Variants in PCDHGA4 observed in about 807,000 individuals in gnomAD.
PCDHGA4 encodes protocadherin gamma subfamily A, 4.
Under a neutral mutation model 54.6 loss-of-function variants are expected in PCDHGA4, and 38 were observed. The observed-to-expected ratio is 0.70, with a 90% CI of 0.54 to 0.91. PCDHGA4 has a LOEUF of 0.91. Among genes scored for constraint, PCDHGA4 ranks in the 40% least tolerant of loss-of-function variants. The pLI is 0.00. For synonymous variants in PCDHGA4, 511 were observed against 512.9 expected, an observed-to-expected ratio of 1.00 and a Z score of 0.05; for missense variants, 1,298 against 1,220.9, an observed-to-expected ratio of 1.06 and a Z score of -0.94.
At chr5:141,460,035 A>G (rs1246945474) in intron 1 of PCDHGA4, among the ~76,000 whole-genome samples, 1 of 152,140 alleles carries the variant, frequency 6.6e-6, no homozygotes, top group Non-Finnish European at 1.5e-5. Context: ...CCGAGACTGC[A>G]CCACTGCACT....
At chr5:141,389,778 G>A (rs886099464) in intron 1 of PCDHGA4, 3 of 1,613,134 alleles carry the variant, frequency 1.9e-6, no homozygotes, top group Non-Finnish European at 2.5e-6. Flanking sequence ...TGCCTTAGGC[G>A]ACAGGGACGC....
intron 1 of PCDHGA4, among the ~76,000 whole-genome samples, chr5:141,436,478 A>G (rs1360229764): frequency 2.0e-5 from 3 of 152,220 alleles, no homozygotes; most frequent in Non-Finnish European, 4.4e-5. Context: ...TGTATCATAG[A>G]AGGATAGCAG....
chr5:141,486,654 T>C lies in PCDHGA4; in HGVS notation c.2515-8153T>C. ...TTGAATGCGCTTATCTCCTACTCAC[T>C]CCTGGAGCCCAGGAATCGAGATGTA... is the stretch of plus-strand genomic sequence containing the variant. On this transcript the variant is annotated intron_variant, in intron 1 of 3. Coordinates refer to ENST00000571252, the MANE Select transcript of PCDHGA4 (RefSeq NM_018917.4). The surrounding 1 kb of genome is among the most constrained non-coding windows in gnomAD (Gnocchi z 5.0). The C allele has an allele frequency of 2.5e-6, 4 of 1,613,922 alleles. No individual in the cohort carries two copies. Among genetic ancestry groups the C allele is most frequent in the Non-Finnish European group, 3.4e-6 (4 of 1,180,026 alleles).
intron 1 of PCDHGA4, chr5:141,400,651 C>G (rs2094056317): frequency 8.6e-7 from 1 of 1,166,874 alleles, no homozygotes; most frequent in African/African-American, 1.5e-5. Flanking sequence ...GAAAGCTGTC[C>G]TACCATTCTT....
chr5:141,424,116 T>G, intron 1 of PCDHGA4: 1 of 667,648 alleles, frequency 1.5e-6, no homozygotes, highest in Non-Finnish European at 1.9e-6. Context: ...GTTCAAATTT[T>G]GATCCTGTTG....
At chr5:141,406,244 G>C (rs1214749681) in intron 1 of PCDHGA4, among the ~76,000 whole-genome samples, 1 of 151,936 alleles carries the variant, frequency 6.6e-6, no homozygotes, top group Non-Finnish European at 1.5e-5. Context: ...ATGTTGCCCA[G>C]ACTGGTCTCA....
intron 1 of PCDHGA4, chr5:141,418,417 T>G: frequency 6.2e-7 from 1 of 1,614,002 alleles, no homozygotes; most frequent in Non-Finnish European, 8.5e-7. Flanking sequence ...AAGACAATCC[T>G]GATGGTGGCA....
chr5:141,382,263 T>C (rs1447947679), intron 1 of PCDHGA4, among the ~76,000 whole-genome samples: 1 of 152,242 alleles, frequency 6.6e-6, no homozygotes, highest in Non-Finnish European at 1.5e-5. Flanking sequence ...TCATGGTGTC[T>C]AGAACATATG....
rs762314174 is a variant in PCDHGA4, at chr5:141,404,905, GCC to G, written c.2514+47288_2514+47289del. The G allele has an allele frequency of 1.9e-6, 3 of 1,613,910 alleles. No homozygotes were observed. In the South Asian group the frequency reaches 3.3e-5, roughly 18 times the overall value. On this transcript the variant is annotated intron_variant, in intron 1 of 3. Coordinates refer to ENST00000571252, the MANE Select transcript of PCDHGA4 (RefSeq NM_018917.4). ...TGGTGGCTGTACAGGACCATGGCCA[GCC>G]CCCTCTCTCGGCCACTGTCACGCTC...
Position 141,476,512 on chromosome 5 carries a change from T to C in PCDHGA4, c.2515-18295T>C, listed in dbSNP as rs1171240377. ...TGATCCAGGACATCAACGACAACAA[T>C]CCTGCTTTCCCTACCCAGGAAATGA... On this transcript the variant is annotated intron_variant, in intron 1 of 3. Transcript: ENST00000571252. This position sits in a 1 kb window ranked among gnomAD's most constrained non-coding sequence, Gnocchi z 7.6. The C allele has an allele frequency of 6.2e-7, 1 of 1,613,642 alleles. No homozygotes were observed. Among genetic ancestry groups the C allele is most frequent in the Non-Finnish European group, 8.5e-7 (1 of 1,179,940 alleles).
At position 141,405,317 on chromosome 5, in the gene PCDHGA4, G is replaced by A. The variant is rs1443108777; in HGVS notation, c.2514+47696G>A. ...CAGCCAGCAGAGCTGTGAGAAAAAT[G>A]AGCCTTTGTGCGTCTCTGTTGATTC... On this transcript the variant is annotated intron_variant, in intron 1 of 3. Coordinates refer to ENST00000571252, the MANE Select transcript of PCDHGA4 (RefSeq NM_018917.4). 2.5e-6 allele frequency: 4 copies of A among 1,614,080 alleles called. No individual in the cohort carries two copies. The African/African-American group carries it at 5.3e-5, about 22-fold the overall frequency.
rs142628885 is a variant in PCDHGA4 at position 141,404,093 on chromosome 5, C to T, written c.2514+46472C>T. ...TGACCGAGACTCCGGGAAGAATGGT[C>T]AAGTTGTCTGTTCTATCCAGGAGAA... On this transcript the variant is annotated intron_variant, in intron 1 of 3. Coordinates refer to ENST00000571252, the MANE Select transcript of PCDHGA4 (RefSeq NM_018917.4). The T allele has an allele frequency of 9.4e-5, 152 of 1,613,326 alleles. 2 individuals carry two copies. In the East Asian group the frequency reaches 3.4e-3, roughly 36 times the overall value.
chr5:141,409,809 A>T (rs754765049), intron 1 of PCDHGA4: 62 of 1,611,424 alleles, frequency 3.8e-5, no homozygotes, highest in Non-Finnish European at 7.6e-6. Context: ...CAGGCCCGCG[A>T]CCACGGCTCG....
chr5:141,444,376 G>A (rs977995642), intron 1 of PCDHGA4, among the ~76,000 whole-genome samples: 1 of 151,796 alleles, frequency 6.6e-6, no homozygotes, highest in Non-Finnish European at 1.5e-5. Flanking sequence ...TCTCCATGTT[G>A]GTCAGGCTAG....
At chr5:141,415,828 G>A (rs1178303711) in intron 1 of PCDHGA4, 4 of 1,293,274 alleles carry the variant, frequency 3.1e-6, no homozygotes, top group Non-Finnish European at 3.0e-6. Flanking sequence ...ATAAGGCTTT[G>A]TTATGATTAG....
chr5:141,398,011 T>A lies in PCDHGA4; in HGVS notation c.2514+40390T>A, dbSNP rs531266866. On this transcript the variant is annotated intron_variant, in intron 1 of 3. Coordinates refer to ENST00000571252, the MANE Select transcript of PCDHGA4 (RefSeq NM_018917.4). ...CGCTTCCTCCTCGGAAAAAGAATCG[T>A]TTCCTAAACTGGAACTGGAACTAAA... The A allele has an allele frequency of 2.7e-5, 38 of 1,413,006 alleles. No homozygotes were observed. In the African/African-American group the frequency reaches 4.3e-4, roughly 16 times the overall value. 87.5% of individuals were successfully genotyped at this position (1,413,006 alleles called of 1,614,324 possible). A position where few individuals can be genotyped will look rare whatever the true frequency, so the allele number is the denominator to read the frequency against.
At position 141,493,323 on chromosome 5, in the gene PCDHGA4, C is replaced by T. The variant is rs542332335; in HGVS notation, c.2515-1484C>T. Among the ~76,000 whole-genome samples the T allele has an allele frequency of 6.6e-6, 1 of 152,294 alleles. No homozygotes were observed. The highest frequency in any genetic ancestry group is 6.5e-5 in the Admixed American group (1 of 15,300). On this transcript the variant is annotated intron_variant, in intron 1 of 3. Transcript: ENST00000571252. The surrounding 1 kb of genome is among the most constrained non-coding windows in gnomAD (Gnocchi z 4.3). ...AGAGCAAGTAAGAGAGATTCTAACC[C>T]CTGTCTAACTCCAGAATGTGTGCTT...
intron 1 of PCDHGA4, among the ~76,000 whole-genome samples, chr5:141,425,918 C>T (rs901485843): frequency 1.1e-4 from 16 of 152,200 alleles, no homozygotes; most frequent in Admixed American, 2.0e-4. Flanking sequence ...ACAGTCACTA[C>T]GAAAACTCAT....
chr5:141,422,940 C>G, intron 1 of PCDHGA4: 3 of 1,614,242 alleles, frequency 1.9e-6, no homozygotes, highest in Non-Finnish European at 1.7e-6. Context: ...TCCCCACAGA[C>G]GGCTCCACTG....
Sources: gnomAD v4.1 joint callset for allele counts (sites outside exome capture counted in the v4.1 genomes callset) on GRCh38, gnomAD v4.1.1 for gene constraint, Gnocchi (gnomAD v3.1) non-coding constraint, MANE v1.5 for transcripts, NCBI Gene and HGNC (gene_info 2026-07-23, HGNC 2026-07-21) for gene names.